Variants in CACNA2D3 observed in about 807,000 individuals in gnomAD.
CACNA2D3 encodes the protein calcium voltage-gated channel auxiliary subunit alpha2delta 3.
Under a neutral mutation model 160.6 loss-of-function variants are expected in CACNA2D3, and 60 were observed. The observed-to-expected ratio is 0.37, with a 90% confidence interval of 0.30 to 0.46. The LOEUF (loss-of-function observed/expected upper bound fraction) is 0.46. Among genes scored for constraint, CACNA2D3 ranks in the 20% least tolerant of loss-of-function variants. The pLI is 1.00. For missense variants in CACNA2D3, 1,205 were observed against 1,365.0 expected (o/e 0.88, Z 1.85); for synonymous variants, 558 against 492.9 (o/e 1.13, Z -1.75).
chr3:54,149,921 CTCTCTCTCTCCCTCCCT>C, intron 2 of CACNA2D3, among the ~76,000 whole-genome samples: 1 of 79,058 alleles, frequency 1.3e-5, no homozygotes, highest in African/African-American at 5.5e-5. Context: ...CTCTCTCTCT[CTCTCTCTCTCCCTCCCT>C]CCCTCCCTCC....
intron 27 of CACNA2D3, among the ~76,000 whole-genome samples, chr3:54,940,252 T>G (rs1701433475): frequency 6.6e-6 from 1 of 152,228 alleles, no homozygotes; most frequent in African/African-American, 2.4e-5. Context: ...AGACTGCAAC[T>G]ATTTTCTACT....
chr3:54,580,261 T>C (rs1702651995), intron 8 of CACNA2D3, among the ~76,000 whole-genome samples: 1 of 152,068 alleles, frequency 6.6e-6, no homozygotes, highest in African/African-American at 2.4e-5. Context: ...TAACAGTTAA[T>C]TGCCAAGGTC....
chr3:54,785,837 T>A (rs1438213474), intron 13 of CACNA2D3, among the ~76,000 whole-genome samples: 1 of 152,302 alleles, frequency 6.6e-6, no homozygotes, highest in South Asian at 2.1e-4. Context: ...GATTCCACTC[T>A]CAGTATACAT....
At chr3:54,890,573 T>G (rs762395595) in intron 24 of CACNA2D3, among the ~76,000 whole-genome samples, 1 of 151,672 alleles carries the variant, frequency 6.6e-6, no homozygotes, top group Non-Finnish European at 1.5e-5. Context: ...GCTTTTTGCA[T>G]AGGAGAAATA....
chr3:54,872,274 C>T (rs1250686982), intron 18 of CACNA2D3, among the ~76,000 whole-genome samples: 1 of 152,174 alleles, frequency 6.6e-6, no homozygotes, highest in Non-Finnish European at 1.5e-5. Flanking sequence ...CTTCTTGGTA[C>T]TTCCTCAATA....
At chr3:54,973,302 C>T (rs767416890) in intron 29 of CACNA2D3, among the ~76,000 whole-genome samples, 1 of 152,186 alleles carries the variant, frequency 6.6e-6, no homozygotes, top group Non-Finnish European at 1.5e-5. Flanking sequence ...AGTGTTTCCT[C>T]ACTGCTTTCA....
At position 54,505,277 on chromosome 3, in the gene CACNA2D3, C is replaced by T. The variant is rs925299291; in HGVS notation, c.544+1623C>T. Among the ~76,000 whole-genome samples the T allele has an allele frequency of 3.9e-5, 6 of 152,178 alleles. 1 individual carries two copies. The highest frequency in any genetic ancestry group is 1.3e-4 in the Admixed American group (2 of 15,280). On this transcript the variant is annotated intron_variant, in intron 5 of 37. Coordinates refer to ENST00000474759, the MANE Select transcript of CACNA2D3 (RefSeq NM_018398.3). ...GGAACAGATAATGAGATAATTAGAA[C>T]ACCATGTATCACATATTGGCCACAG...
At chr3:54,214,330 A>G (rs964714165) in intron 2 of CACNA2D3, among the ~76,000 whole-genome samples, 1 of 152,130 alleles carries the variant, frequency 6.6e-6, no homozygotes, top group Admixed American at 6.5e-5. Flanking sequence ...CACATGCCAT[A>G]TTCTTGATAT....
At chr3:54,424,464 T>G (rs2106758276) in intron 4 of CACNA2D3, among the ~76,000 whole-genome samples, 2 of 152,370 alleles carry the variant, frequency 1.3e-5, no homozygotes, top group South Asian at 4.1e-4. Context: ...CTCCCTCCTT[T>G]TGTGCCTGGA....
intron 15 of CACNA2D3, among the ~76,000 whole-genome samples, chr3:54,837,977 A>G (rs192853611): frequency 1.2e-4 from 18 of 152,308 alleles, no homozygotes; most frequent in Admixed American, 4.6e-4. Context: ...TCAACTCACC[A>G]TAAAGCCTTA....
At position 55,008,072 on chromosome 3, in the gene CACNA2D3, A is replaced by T. The variant is rs183191865; in HGVS notation, c.2819+230A>T. Among the ~76,000 whole-genome samples, 4 of 152,300 alleles carry T rather than the reference A, an allele frequency of 2.6e-5. No individual in the cohort carries two copies. The East Asian group carries it at 7.7e-4, about 29-fold the overall frequency. On this transcript the variant is annotated intron_variant, in intron 33 of 37. Transcript: ENST00000474759. The stretch of plus-strand genomic sequence containing the variant: ...CTATTAGGTCATCGTTTAGCAGATC[A>T]TTTGCAATACACAACAAATTTACTT...
intron 14 of CACNA2D3, among the ~76,000 whole-genome samples, chr3:54,818,107 C>T (rs573780705): frequency 6.6e-6 from 1 of 152,320 alleles, no homozygotes; most frequent in Non-Finnish European, 1.5e-5. Context: ...ATTTATTCAT[C>T]AAATTTCCAC....
intron 31 of CACNA2D3, 68 bp from the exon 32 acceptor site, chr3:55,004,695 G>C (rs1400588613): frequency 2.0e-6 from 2 of 1,021,102 alleles, no homozygotes; most frequent in Admixed American, 1.7e-5. Context: ...TCACCTTGTA[G>C]TACATAGCAT....
intron 30 of CACNA2D3, among the ~76,000 whole-genome samples, chr3:54,986,226 G>T (rs1368980432): frequency 6.6e-6 from 1 of 152,140 alleles, no homozygotes; most frequent in Non-Finnish European, 1.5e-5. Context: ...GATGGAAACA[G>T]TGTCTCTGTT....
At chr3:54,224,940 C>CTT (rs58653320) in intron 2 of CACNA2D3, among the ~76,000 whole-genome samples, 38,566 of 127,596 alleles carry the variant, frequency 0.3, 5,991 homozygotes, top group African/African-American at 0.43. Flanking sequence ...GACTGAATAT[C>CTT]TTTTTTTTTT....
chr3:54,168,428 G>A (rs954702684), intron 2 of CACNA2D3, among the ~76,000 whole-genome samples: 5 of 152,174 alleles, frequency 3.3e-5, no homozygotes, highest in Non-Finnish European at 7.4e-5. Context: ...GAACAGCCGC[G>A]CAGTGATGTT....
intron 9 of CACNA2D3, among the ~76,000 whole-genome samples, chr3:54,599,237 C>T (rs946868419): frequency 4.6e-5 from 7 of 152,142 alleles, no homozygotes; most frequent in African/African-American, 1.7e-4. Flanking sequence ...ATTTGTTCAT[C>T]ACATACTCTG....
chr3:54,249,582 CACACACCA>C (rs1702143634), intron 2 of CACNA2D3, among the ~76,000 whole-genome samples: 1 of 149,632 alleles, frequency 6.7e-6, no homozygotes, highest in African/African-American at 2.5e-5. Context: ...CACACACACA[CACACACCA>C]GGCTACATTT....
intron 4 of CACNA2D3, among the ~76,000 whole-genome samples, chr3:54,488,688 T>A (rs1438706419): frequency 6.6e-6 from 1 of 152,192 alleles, no homozygotes; most frequent in Non-Finnish European, 1.5e-5. Context: ...CAGTCTCTAC[T>A]GAGTACCTGT....
Sources: gnomAD v4.1 joint callset for allele counts (sites outside exome capture counted in the v4.1 genomes callset) on GRCh38, gnomAD v4.1.1 for gene constraint, MANE v1.5 for transcripts, NCBI Gene and HGNC (gene_info 2026-07-23, HGNC 2026-07-21) for gene names.